Variants in TMEM50B observed in about 807,000 individuals in gnomAD.
TMEM50B encodes HCV p7-trans-regulated protein 3.
TMEM50B carries 14 observed loss-of-function variants against 23.4 expected under a neutral mutation model. The observed-to-expected ratio is 0.60, with a 90% CI of 0.39 to 0.93. The LOEUF (loss-of-function observed/expected upper bound fraction) is 0.93. TMEM50B is among the 40% of genes least tolerant of loss of function. TMEM50B has a pLI of 0.00. For missense variants in TMEM50B, 159 were observed against 193.0 expected (o/e 0.82, Z 1.04); for synonymous variants, 64 against 62.3 (o/e 1.03, Z -0.13).
intron 1 of TMEM50B, among the ~76,000 whole-genome samples, chr21:33,477,281 G>C (rs760944154): frequency 4.8e-4 from 72 of 150,744 alleles, no homozygotes; most frequent in Non-Finnish European, 7.7e-4. Flanking sequence ...AGTGAGACCC[G>C]GTCTCCAAAG....
At chr21:33,465,534 CAT>C (rs2084257830) in intron 3 of TMEM50B, 125 bp from the exon 4 acceptor site, 1 of 683,472 alleles carries the variant, frequency 1.5e-6, no homozygotes. Flanking sequence ...AATAATTTAA[CAT>C]ATTTTTAACC....
At chr21:33,443,009 A>G (rs1394274195) in intron 7 of TMEM50B, among the ~76,000 whole-genome samples, 1 of 152,218 alleles carries the variant, frequency 6.6e-6, no homozygotes, top group East Asian at 1.9e-4. Flanking sequence ...ATGAGTAACA[A>G]TGTATAATAA....
At chr21:33,458,303 C>T (rs1223227448) in intron 5 of TMEM50B, among the ~76,000 whole-genome samples, 1 of 152,116 alleles carries the variant, frequency 6.6e-6, no homozygotes, top group Non-Finnish European at 1.5e-5. Context: ...CACCTGAGGT[C>T]AGGAATTCGA....
chr21:33,445,281 A>G (rs961177644), downstream of TMEM50B, among the ~76,000 whole-genome samples: 2 of 152,192 alleles, frequency 1.3e-5, no homozygotes, highest in African/African-American at 4.8e-5. Context: ...ATACTTACTC[A>G]AAGAAATTTA....
rs977250151 is a variant in TMEM50B at position 33,449,700 on chromosome 21, G to T, written c.*1118C>A. ...TTTTCACTAGGTGATAATTCCCTTTGGGAAGAAGTGCTTTATCTTTAATTA... is the reference window on the plus strand; with the variant it reads ...TTTTCACTAGGTGATAATTCCCTTTTGGAAGAAGTGCTTTATCTTTAATTA... On this transcript the variant is annotated 3_prime_UTR_variant, in exon 7 of 7. Transcript: ENST00000542230. 8 of 152,334 alleles carry T rather than the reference G, an allele frequency of 5.3e-5. No individual in the cohort carries two copies. Among genetic ancestry groups the T allele is most frequent in the Admixed American group, 4.6e-4 (7 of 15,272 alleles). The allele number at this position is 152,334 out of a possible 1,614,324, so 9.4% of individuals were successfully genotyped here. A position where few individuals can be genotyped will look rare whatever the true frequency, so the allele number is the denominator to read the frequency against.
At chr21:33,470,613 T>C (rs1177670289) in intron 1 of TMEM50B, among the ~76,000 whole-genome samples, 1 of 148,362 alleles carries the variant, frequency 6.7e-6, no homozygotes, top group Non-Finnish European at 1.5e-5. Flanking sequence ...GGCAGGCGCC[T>C]GTAGTCCCAG....
chr21:33,450,877 A>G lies in TMEM50B; in HGVS notation c.432-14T>C. 6.2e-7 allele frequency: 1 copy of G among 1,611,228 alleles called. No individual in the cohort carries two copies. The highest frequency in any genetic ancestry group is 8.5e-7 in the Non-Finnish European group (1 of 1,178,434). On this transcript the variant is annotated splice_polypyrimidine_tract_variant and intron_variant, in intron 6 of 6. Coordinates refer to ENST00000542230, the MANE Select transcript of TMEM50B (RefSeq NM_006134.7). ...TAGATCAGAGTGCTAGAAAGATAGG[A>G]AAACAAATCATGAGGAAAAAACCGA... is the stretch of plus-strand genomic sequence containing the variant.
At chr21:33,477,471 C>G (rs1421616640) in intron 1 of TMEM50B, among the ~76,000 whole-genome samples, 2 of 152,174 alleles carry the variant, frequency 1.3e-5, no homozygotes, top group Non-Finnish European at 2.9e-5. Flanking sequence ...TCTGCGCTGT[C>G]TGAATTTTAC....
At chr21:33,475,537 A>G (rs1016977303) in intron 1 of TMEM50B, among the ~76,000 whole-genome samples, 1 of 152,096 alleles carries the variant, frequency 6.6e-6, no homozygotes, top group East Asian at 2.0e-4. Context: ...TAGTAGAGAC[A>G]GGGTTTCACC....
chr21:33,465,834 G>A (rs1348981887), intron 3 of TMEM50B, among the ~76,000 whole-genome samples: 5 of 144,804 alleles, frequency 3.5e-5, no homozygotes, highest in African/African-American at 1.1e-4. Flanking sequence ...TGTAGCTTAT[G>A]TATAATATGC....
chr21:33,439,941 G>A (rs2083993715), intron 7 of TMEM50B, among the ~76,000 whole-genome samples: 1 of 151,992 alleles, frequency 6.6e-6, no homozygotes, highest in Non-Finnish European at 1.5e-5. Flanking sequence ...AGCTACTTGG[G>A]AAGCTGAGGC....
downstream of TMEM50B, chr21:33,447,107 C>CA (rs987940601): frequency 6.8e-6 from 1 of 146,558 alleles, no homozygotes; most frequent in African/African-American, 2.6e-5. Context: ...TGCACCACTA[C>CA]ACTCCAGCCT....
chr21:33,469,171 G>A (rs934606985), intron 1 of TMEM50B, among the ~76,000 whole-genome samples: 8 of 152,114 alleles, frequency 5.3e-5, no homozygotes, highest in Admixed American at 3.3e-4. Context: ...TAGGAGCTAG[G>A]TGCCGAGGTG....
At position 33,440,114 on chromosome 21, in the gene TMEM50B, C is replaced by T. The variant is rs1285353239; in HGVS notation, c.*2037-817G>A. 3.3e-5 allele frequency among the ~76,000 whole-genome samples: 5 copies of T among 152,248 alleles called. No individual in the cohort carries two copies. The East Asian group carries it at 9.7e-4, about 29-fold the overall frequency. ...GTTGGAAGCACTCTTATAAATAATC[C>T]GTTGACAGGGCATAATCCATAACCT... On this transcript the variant is annotated intron_variant and NMD_transcript_variant, in intron 7 of 8. Coordinates refer to the TMEM50B transcript ENST00000420455.
intron 2 of TMEM50B, among the ~76,000 whole-genome samples, chr21:33,467,838 A>C (rs910685921): frequency 6.6e-6 from 1 of 152,268 alleles, no homozygotes; most frequent in African/African-American, 2.4e-5. Flanking sequence ...AGAACTGTAC[A>C]TTGAAAGAGA....
In TMEM50B at chr21:33,474,336, C is replaced by T. The variant is rs1040759634; in HGVS notation, c.-41-5410G>A. Among the ~76,000 whole-genome samples the T allele has an allele frequency of 1.6e-4, 25 of 151,946 alleles. 1 individual carries two copies. Among genetic ancestry groups the T allele is most frequent in the Admixed American group, 1.4e-3 (22 of 15,222 alleles). ...ACAGGTGTGCACCACCATTCCCAGC[C>T]AGTTTTCTTTTTTTTAATAAGAGTA... On this transcript the variant is annotated intron_variant, in intron 1 of 6. Coordinates refer to ENST00000542230, the MANE Select transcript of TMEM50B (RefSeq NM_006134.7).
chr21:33,475,817 G>A (rs530910928), intron 1 of TMEM50B, among the ~76,000 whole-genome samples: 1 of 152,130 alleles, frequency 6.6e-6, no homozygotes, highest in African/African-American at 2.4e-5. Flanking sequence ...AGCTGGGCGT[G>A]GTGGCACGCA....
chr21:33,438,983 C>T (rs1346719181), intron 8 of TMEM50B, among the ~76,000 whole-genome samples: 2 of 152,132 alleles, frequency 1.3e-5, no homozygotes, highest in Admixed American at 6.6e-5. Flanking sequence ...CCACCTTGGT[C>T]TCCCAAAGGG....
chr21:33,455,869 T>C, intron 5 of TMEM50B, 85 bp from the exon 6 acceptor site: 1 of 949,460 alleles, frequency 1.1e-6, no homozygotes, highest in South Asian at 1.3e-5. Context: ...AATGATACAT[T>C]TTGTATATTA....
Sources: allele counts gnomAD v4.1 joint callset (sites outside exome capture counted in the v4.1 genomes callset), GRCh38; gene constraint gnomAD v4.1.1; transcripts MANE v1.5; gene names NCBI Gene and HGNC (gene_info 2026-07-23, HGNC 2026-07-21).